CWC22: variants seen among roughly 807,000 people sequenced by gnomAD.
CWC22 encodes CWC22 spliceosome associated protein, also known as pre-mRNA-splicing factor CWC22 homolog.
Under a neutral mutation model 117.2 loss-of-function variants are expected in CWC22, and 53 were observed. The observed-to-expected ratio is 0.45, with a 90% confidence interval of 0.36 to 0.57. The LOEUF is 0.57. Ranked by LOEUF, CWC22 falls within the 20% of genes least tolerant of loss-of-function variation. The probability of loss-of-function intolerance (pLI) is 0.00; values close to 1 mark genes in which losing one functional copy is unlikely to be tolerated. For synonymous variants in CWC22, 360 were observed against 355.6 expected (o/e 1.01, Z -0.14); for missense variants, 980 against 1,068.8 (o/e 0.92, Z 1.16).
Position 179,988,189 on chromosome 2 carries a change from C to A in CWC22, c.95+388G>T, listed in dbSNP as rs547383938. ...TCCATGGCTCTGGGGGTTGGGGACC[C>A]CTGTTATAATCTATATAAAAATATT... On this transcript the variant is annotated intron_variant, in intron 3 of 19. Transcript: ENST00000410053. Among the ~76,000 whole-genome samples, 113 of 152,052 alleles carry A rather than the reference C, an allele frequency of 7.4e-4. 1 individual carries two copies. The highest frequency in any genetic ancestry group is 1.2e-3 in the Non-Finnish European group (84 of 68,028).
intron 13 of CWC22, among the ~76,000 whole-genome samples, chr2:179,962,718 A>G (rs1457928300): frequency 3.3e-5 from 5 of 152,144 alleles, no homozygotes; most frequent in African/African-American, 1.2e-4. Context: ...AGTAATAAAA[A>G]CAAGGGTCAA....
At chr2:179,974,440 G>C (rs534973249) in intron 6 of CWC22, among the ~76,000 whole-genome samples, 1 of 152,126 alleles carries the variant, frequency 6.6e-6, no homozygotes, top group South Asian at 2.1e-4. Flanking sequence ...ATGAGGAAGG[G>C]GAAAGGCAAA....
At chr2:179,986,631 A>G in intron 4 of CWC22, 64 bp downstream of exon 4, 1 of 912,644 alleles carries the variant, frequency 1.1e-6, no homozygotes, top group Non-Finnish European at 1.7e-6. Flanking sequence ...TTTATTACAA[A>G]TGTAGCATAA....
At chr2:179,978,507 T>C (rs890018463) in intron 5 of CWC22, among the ~76,000 whole-genome samples, 189 bp from the exon 6 acceptor site, 14 of 152,114 alleles carry the variant, frequency 9.2e-5, no homozygotes, top group Admixed American at 2.0e-4. Flanking sequence ...TGATTTTCTA[T>C]ACATATGCTT....
At chr2:179,954,437 T>A in intron 15 of CWC22, 80 bp from the exon 16 acceptor site, 1 of 839,098 alleles carries the variant, frequency 1.2e-6, no homozygotes, top group Non-Finnish European at 1.8e-6. Context: ...ATTTACTGAA[T>A]CAAAACTTTA....
chr2:179,958,870 T>C (rs1237601832), intron 14 of CWC22, among the ~76,000 whole-genome samples, 152 bp downstream of exon 14: 1 of 152,160 alleles, frequency 6.6e-6, no homozygotes, highest in African/African-American at 2.4e-5. Context: ...ACCCTAAGCT[T>C]TGTGTTAACT....
At chr2:179,993,983 C>T (rs534634434) in intron 1 of CWC22, among the ~76,000 whole-genome samples, 2 of 152,228 alleles carry the variant, frequency 1.3e-5, no homozygotes, top group African/African-American at 2.4e-5. Context: ...TCAATGTGAT[C>T]TATTAATGGC....
At chr2:179,959,576 T>A (rs1234122849) in intron 13 of CWC22, among the ~76,000 whole-genome samples, 1 of 152,116 alleles carries the variant, frequency 6.6e-6, no homozygotes, top group African/African-American at 2.4e-5. Context: ...TGTGAGAACA[T>A]CACAGAGTGT....
intron 19 of CWC22, among the ~76,000 whole-genome samples, chr2:179,946,097 G>A (rs181390652): frequency 3.6e-4 from 55 of 152,104 alleles, no homozygotes; most frequent in African/African-American, 1.3e-3. Context: ...TGGTCAGGCT[G>A]GTCTCGAACT....
At chr2:179,958,931 T>C (rs542747486) in intron 14 of CWC22, 91 bp downstream of exon 14, 46 of 688,088 alleles carry the variant, frequency 6.7e-5, no homozygotes, top group South Asian at 1.8e-4. Flanking sequence ...TACTGAGGTA[T>C]TGCTTCAATC....
chr2:179,949,102 G>A (rs207462685), intron 19 of CWC22, among the ~76,000 whole-genome samples: 2 of 152,148 alleles, frequency 1.3e-5, no homozygotes, highest in Non-Finnish European at 2.9e-5. Context: ...ACAAGTACTA[G>A]AGGGGCCAAG....
chr2:179,949,210 G>C (rs1252410773), intron 19 of CWC22, among the ~76,000 whole-genome samples: 1 of 152,188 alleles, frequency 6.6e-6, no homozygotes, highest in Admixed American at 6.5e-5. Flanking sequence ...CTGAGGGACA[G>C]AGACACCAGA....
rs1686679654 is a variant in CWC22 at position 179,959,077 on chromosome 2, T to C, written c.1403A>G (p.Asp468Gly). The C allele has an allele frequency of 6.4e-7, 1 of 1,566,228 alleles. No individual in the cohort carries two copies. Among genetic ancestry groups the C allele is most frequent in the Non-Finnish European group, 8.7e-7 (1 of 1,152,036 alleles). The change falls in exon 14 of 20, where the codon GAT (aspartate) becomes GGT (glycine). Residue 468 changes from aspartate (D) to glycine (G), a missense_variant. Coordinates refer to ENST00000410053, the MANE Select transcript of CWC22 (RefSeq NM_020943.3). ...CAATTTGTGAGCACATTCTTCAAAA[T>C]CTAAACTGTGGAAATGATCACAATA... ...TIYLAIQSSL[D>G]FEECAHKLLK...
chr2:179,959,216 A>G, intron 13 of CWC22, 134 bp from the exon 14 acceptor site: 1 of 556,538 alleles, frequency 1.8e-6, no homozygotes, highest in Non-Finnish European at 3.2e-6. Flanking sequence ...CTGTGTATAT[A>G]AGGAAAATAT....
In CWC22 at chr2:179,957,528, A is replaced by G. The variant is rs529317838; in HGVS notation, c.1458+1494T>C. On this transcript the variant is annotated intron_variant, in intron 14 of 19. Transcript: ENST00000410053. ...AATGAATGAGTCTTGCTATATTCCA[A>G]TAACACTTTATTCATAAAAACAGGC... is the stretch of plus-strand genomic sequence containing the variant. Among the ~76,000 whole-genome samples the G allele has an allele frequency of 4.9e-4, 74 of 152,294 alleles. No homozygotes were observed. In the Middle Eastern group the frequency reaches 0.014, roughly 28 times the overall value.
chr2:179,982,115 T>C, intron 4 of CWC22, 118 bp from the exon 5 acceptor site: 1 of 627,898 alleles, frequency 1.6e-6, no homozygotes, highest in South Asian at 2.0e-5. Flanking sequence ...CTAGGAAAAG[T>C]GGTTTAGAAT....
intron 1 of CWC22, among the ~76,000 whole-genome samples, chr2:180,001,804 G>T (rs939140521): frequency 3.9e-5 from 6 of 152,102 alleles, no homozygotes; most frequent in African/African-American, 1.4e-4. Flanking sequence ...TCCCCTTCTT[G>T]AAGTTCTCAC....
At chr2:179,952,995 C>T (rs188005704) in intron 16 of CWC22, among the ~76,000 whole-genome samples, 1 of 151,546 alleles carries the variant, frequency 6.6e-6, no homozygotes, top group African/African-American at 2.4e-5. Context: ...ACATAACATA[C>T]GATTTAAAAA....
intron 13 of CWC22, 146 bp downstream of exon 13, chr2:179,964,401 G>T: frequency 2.0e-6 from 1 of 494,562 alleles, no homozygotes. Context: ...GGTACTATGA[G>T]CTTGGGCATG....
Sources: allele counts gnomAD v4.1 joint callset (sites outside exome capture counted in the v4.1 genomes callset), GRCh38; gene constraint gnomAD v4.1.1; transcripts MANE v1.5; gene names NCBI Gene and HGNC (gene_info 2026-07-23, HGNC 2026-07-21).